ANK2: variants seen among roughly 807,000 people sequenced by gnomAD.
The protein encoded by ANK2 is ankyrin-2.
Under a neutral mutation model 360.5 loss-of-function variants are expected in ANK2, and 83 were observed. The ratio of observed to expected loss-of-function variants is 0.23; its 90% CI spans 0.19 to 0.28. The LOEUF is 0.28. Among genes scored for constraint, ANK2 ranks in the 10% least tolerant of loss-of-function variants. The pLI, the probability that ANK2 is intolerant of heterozygous loss-of-function variation, is 1.00. For missense variants in ANK2, 4,201 were observed against 4,795.7 expected, an observed-to-expected ratio of 0.88 and a Z score of 3.66; for synonymous variants, 1,740 against 1,759.5, an observed-to-expected ratio of 0.99 and a Z score of 0.28.
chr4:113,212,532 G>T (rs1042918199), intron 4 of ANK2, among the ~76,000 whole-genome samples: 1 of 152,156 alleles, frequency 6.6e-6, no homozygotes, highest in Admixed American at 6.5e-5. Flanking sequence ...CATTGACTGA[G>T]GTAGGCAGCA....
At chr4:113,267,234 T>C (rs1008105770) in intron 14 of ANK2, among the ~76,000 whole-genome samples, 1 of 152,234 alleles carries the variant, frequency 6.6e-6, no homozygotes, top group African/African-American at 2.4e-5. Flanking sequence ...TCTTTTGCTG[T>C]ACAGAAGCTC....
At chr4:112,986,090 C>T (rs201380825) in intron 2 of ANK2, among the ~76,000 whole-genome samples, 3 of 144,592 alleles carry the variant, frequency 2.1e-5, no homozygotes, top group Non-Finnish European at 4.5e-5. Flanking sequence ...ATATATAATC[C>T]AATATATAGT....
chr4:113,206,627 A>G (rs2098952629), intron 4 of ANK2, among the ~76,000 whole-genome samples: 1 of 149,556 alleles, frequency 6.7e-6, no homozygotes, highest in African/African-American at 2.5e-5. Flanking sequence ...GGTGATTACA[A>G]ATTTGCAGGG....
intron 22 of ANK2, among the ~76,000 whole-genome samples, chr4:113,299,604 C>G (rs889129018): frequency 2.6e-5 from 4 of 151,176 alleles, no homozygotes; most frequent in Admixed American, 2.0e-4. Flanking sequence ...ATTTGGGAGG[C>G]TGAGGCAGGA....
chr4:112,786,222 TGACAG>T, the ANK2 span, among the ~76,000 whole-genome samples: 1 of 149,776 alleles, frequency 6.7e-6, no homozygotes, highest in Admixed American at 6.7e-5. Context: ...TACTTCCTGC[TGACAG>T]GTTTGATGAA....
At chr4:113,159,253 A>C (rs2097423248) in intron 1 of ANK2, among the ~76,000 whole-genome samples, 2 of 151,848 alleles carry the variant, frequency 1.3e-5, no homozygotes, top group South Asian at 4.2e-4. Context: ...TATTACAGGT[A>C]GATATTTGTG....
chr4:113,234,556 T>C (rs921635271), intron 5 of ANK2, among the ~76,000 whole-genome samples: 1 of 152,224 alleles, frequency 6.6e-6, no homozygotes, highest in Non-Finnish European at 1.5e-5. Context: ...AAAAATAATG[T>C]TTTTACAGGG....
chr4:112,832,113 A>G (rs929153664), intron 1 of ANK2, among the ~76,000 whole-genome samples: 1 of 152,222 alleles, frequency 6.6e-6, no homozygotes, highest in African/African-American at 2.4e-5. Flanking sequence ...GCGCAGTGCT[A>G]CAATCTCAGG....
chr4:113,293,686 G>A (rs1221629539), intron 22 of ANK2, 148 bp downstream of exon 22: 16 of 761,582 alleles, frequency 2.1e-5, no homozygotes, highest in African/African-American at 3.4e-5. Context: ...ATACATAGGC[G>A]TATGCAGAAG....
intron 2 of ANK2, among the ~76,000 whole-genome samples, chr4:113,011,022 T>A (rs2054546537): frequency 6.6e-6 from 1 of 152,058 alleles, no homozygotes; most frequent in African/African-American, 2.4e-5. Context: ...TCAGATTAGG[T>A]TTTGGTGTCA....
intron 2 of ANK2, among the ~76,000 whole-genome samples, chr4:112,989,150 C>A (rs1250325003): frequency 3.3e-5 from 5 of 152,144 alleles, no homozygotes; most frequent in Admixed American, 3.3e-4. Flanking sequence ...TTGTTCTGCT[C>A]ATATTTTAAA....
intron 26 of ANK2, among the ~76,000 whole-genome samples, chr4:113,322,732 C>A (rs1242464100): frequency 6.6e-6 from 1 of 152,060 alleles, no homozygotes; most frequent in Non-Finnish European, 1.5e-5. Context: ...TTGTTGTTTA[C>A]CTAAAATTTC....
At chr4:113,008,971 G>C (rs2053844791) in intron 2 of ANK2, among the ~76,000 whole-genome samples, 1 of 152,124 alleles carries the variant, frequency 6.6e-6, no homozygotes, top group Admixed American at 6.6e-5. Flanking sequence ...CACTCGTGGG[G>C]CCTCAGAGAA....
At chr4:113,049,840 T>C in intron 1 of ANK2, 28 bp downstream of exon 1, 1 of 1,610,240 alleles carries the variant, frequency 6.2e-7, no homozygotes, top group South Asian at 1.1e-5. Flanking sequence ...GGAATGTCTG[T>C]GTATAAATAT....
chr4:112,889,268 T>C (rs2150607421), intron 1 of ANK2, among the ~76,000 whole-genome samples: 1 of 151,956 alleles, frequency 6.6e-6, no homozygotes, highest in African/African-American at 2.4e-5. Flanking sequence ...ATTCTCTTGG[T>C]GTGCTTACCA....
the ANK2 span, among the ~76,000 whole-genome samples, chr4:112,731,621 T>C: frequency 0.087 from 13,238 of 151,958 alleles, 788 homozygotes; most frequent in African/African-American, 0.16. Flanking sequence ...TCCCCAGCTA[T>C]TTCAGAGGCT....
At chr4:112,739,288 C>T in the ANK2 span, among the ~76,000 whole-genome samples, 2 of 152,118 alleles carry the variant, frequency 1.3e-5, no homozygotes, top group Non-Finnish European at 2.9e-5. Context: ...AGAAGCACGC[C>T]ACTGCGCCCG....
At chr4:113,114,653 C>T (rs1232466185) in intron 1 of ANK2, among the ~76,000 whole-genome samples, 2 of 152,012 alleles carry the variant, frequency 1.3e-5, no homozygotes, top group African/African-American at 4.8e-5. Flanking sequence ...AAATTAATAA[C>T]TGTTTGATTT....
chr4:113,119,184 A>C (rs532281217), intron 1 of ANK2, among the ~76,000 whole-genome samples: 1 of 152,248 alleles, frequency 6.6e-6, no homozygotes, highest in Admixed American at 6.5e-5. Flanking sequence ...TAGATATTAT[A>C]TCTAAGCTAG....
Sources: gnomAD v4.1 joint callset for allele counts (sites outside exome capture counted in the v4.1 genomes callset) on GRCh38, gnomAD v4.1.1 for gene constraint, MANE v1.5 for transcripts, NCBI Gene and HGNC (gene_info 2026-07-23, HGNC 2026-07-21) for gene names.